The following EIF2AK2 variants were observed in gnomAD, a reference collection of about 807,000 sequenced individuals.
EIF2AK2 encodes interferon-induced, double-stranded RNA-activated protein kinase.
A neutral mutation model predicts 70.5 loss-of-function variants in EIF2AK2; 40 were observed. The observed-to-expected ratio is 0.57, with a 90% CI of 0.44 to 0.74. EIF2AK2 has a LOEUF of 0.74. EIF2AK2 is among the 30% of genes least tolerant of loss of function. EIF2AK2 has a pLI of 0.00. For missense variants in EIF2AK2, 555 were observed against 644.3 expected (o/e 0.86, Z 1.50); for synonymous variants, 198 against 220.9 (o/e 0.90, Z 0.92).
chr2:37,135,547 C>A lies in EIF2AK2; in HGVS notation c.723-1G>T. ...AAGGTCAAATCTGGGTGCCAAAGAT[C>A]TAAAAATTAAGAGTTGAATGTAAAA... is the stretch of plus-strand genomic sequence containing the variant. On this transcript the variant is annotated splice_acceptor_variant, in intron 9 of 16. Transcript: ENST00000233057. LOFTEE classifies it high-confidence loss of function. The A allele has an allele frequency of 1.9e-6, 3 of 1,609,932 alleles. No homozygotes were observed. In the South Asian group the frequency reaches 3.3e-5, roughly 18 times the overall value.
chr2:37,130,173 C>T (rs913881251), intron 10 of EIF2AK2, among the ~76,000 whole-genome samples: 4 of 152,154 alleles, frequency 2.6e-5, no homozygotes, highest in Non-Finnish European at 5.9e-5. Context: ...GCAATCTTGG[C>T]TCACTGCAAC....
At chr2:37,110,140 G>A (rs1053910238) in intron 14 of EIF2AK2, among the ~76,000 whole-genome samples, 2 of 151,540 alleles carry the variant, frequency 1.3e-5, no homozygotes, top group East Asian at 1.9e-4. Context: ...GCGTGGTCTC[G>A]GCTCACAGCA....
At chr2:37,141,071 G>A (rs1479264847) in intron 5 of EIF2AK2, among the ~76,000 whole-genome samples, 2 of 152,156 alleles carry the variant, frequency 1.3e-5, no homozygotes, top group African/African-American at 2.4e-5. Flanking sequence ...TCTCCTCATA[G>A]TCTAGGGCTA....
At chr2:37,141,514 A>G in intron 5 of EIF2AK2, 39 bp downstream of exon 5, 1 of 1,599,072 alleles carries the variant, frequency 6.3e-7, no homozygotes, top group Non-Finnish European at 8.5e-7. Context: ...TATTGCTTAA[A>G]TACAATGAAA....
Position 37,099,807 on chromosome 2 carries a change from T to C in EIF2AK2, c.*7466A>G, listed in dbSNP as rs1379419279. On this transcript the variant is annotated 3_prime_UTR_variant, in exon 17 of 17. Transcript: ENST00000233057. ...CATAAAATGCGACATATCCATATGA[T>C]AGAATATTATTTGGCAATAAAAAGG... is the stretch of plus-strand genomic sequence containing the variant. 1.3e-5 allele frequency: 2 copies of C among 152,146 alleles called. No homozygotes were observed. Among genetic ancestry groups the C allele is most frequent in the South Asian group, 2.1e-4 (1 of 4,830 alleles). 9.4% of individuals were successfully genotyped at this position (152,146 alleles called of 1,614,324 possible).
chr2:37,144,180 A>G (rs1558427787), intron 4 of EIF2AK2, among the ~76,000 whole-genome samples: 1 of 152,168 alleles, frequency 6.6e-6, no homozygotes, highest in Non-Finnish European at 1.5e-5. Flanking sequence ...TTACAGCACA[A>G]TGCATTACTC....
chr2:37,141,689 A>C lies in EIF2AK2; in HGVS notation c.253T>G (p.Leu85Val). ...GAAGAATTCGTTGTTGTCAATAATA[A>C]AGGACTAACTGCCTACAAAGAAAAA... ...LNKEKKAVSP[L>V]LLTTTNSSEG... Residue 85 changes from leucine to valine, a missense_variant, in exon 5 of 17, where the codon TTA (leucine) becomes GTA (valine). Leu to Val is a conservative substitution (Grantham distance 32). This residue lies in a region of EIF2AK2 where 208 missense variants were observed against 191.8 expected (regional missense o/e 1.08). Coordinates refer to ENST00000233057, the MANE Select transcript of EIF2AK2 (RefSeq NM_001135651.3). The C allele has an allele frequency of 1.2e-6, 2 of 1,612,598 alleles. No homozygotes were observed. The highest frequency in any genetic ancestry group is 1.7e-6 in the Non-Finnish European group (2 of 1,179,558).
At chr2:37,113,180 C>T (rs1023571154) in intron 14 of EIF2AK2, among the ~76,000 whole-genome samples, 9 of 152,034 alleles carry the variant, frequency 5.9e-5, no homozygotes, top group Admixed American at 1.3e-4. Flanking sequence ...ACCTAGCAGC[C>T]GTATTGATAA....
intron 2 of EIF2AK2, 26 bp downstream of exon 2, chr2:37,148,831 T>C: frequency 1.2e-6 from 1 of 838,126 alleles, no homozygotes; most frequent in Non-Finnish European, 2.1e-6. Flanking sequence ...CTTTTCTGAG[T>C]GCAAAATTCG....
chr2:37,137,830 G>A (rs1235986943), intron 8 of EIF2AK2, among the ~76,000 whole-genome samples: 6 of 151,954 alleles, frequency 3.9e-5, no homozygotes, highest in East Asian at 1.9e-4. Flanking sequence ...AAAAGCTGCC[G>A]AGCCGGGCGC....
In EIF2AK2 at chr2:37,114,877, T is replaced by G. The variant is rs1405714047; in HGVS notation, c.1249-18A>C. On this transcript the variant is annotated intron_variant, in intron 13 of 16. Transcript: ENST00000233057. ...TTACTTGGCTATGAAAAAAAAAAAT[T>G]TAACTTACATGTACCAACTTAACAT... is the stretch of plus-strand genomic sequence containing the variant. The G allele has an allele frequency of 2.7e-6, 4 of 1,493,560 alleles. No individual in the cohort carries two copies. Among genetic ancestry groups the G allele is most frequent in the South Asian group, 1.3e-5 (1 of 77,600 alleles). The allele number at this position is 1,493,560 out of a possible 1,614,324, so 92.5% of individuals were successfully genotyped here.
chr2:37,111,707 A>C (rs1186074102), intron 14 of EIF2AK2, among the ~76,000 whole-genome samples: 1 of 124,952 alleles, frequency 8.0e-6, no homozygotes, highest in African/African-American at 2.9e-5. Context: ...TACAAAAAAA[A>C]ATTAGCCAGG....
chr2:37,149,862 C>T (rs1298601367), intron 1 of EIF2AK2, among the ~76,000 whole-genome samples: 5 of 152,096 alleles, frequency 3.3e-5, no homozygotes, highest in African/African-American at 9.7e-5. Context: ...CAGCAGAGCA[C>T]GTAGTTACAC....
intron 1 of EIF2AK2, among the ~76,000 whole-genome samples, chr2:37,153,979 C>A: frequency 6.6e-6 from 1 of 152,344 alleles, no homozygotes. Flanking sequence ...CTCACCATCA[C>A]TTGTTATTAT....
At chr2:37,138,430 T>A (rs1312423480) in intron 7 of EIF2AK2, 67 bp from the exon 8 acceptor site, 1 of 1,600,402 alleles carries the variant, frequency 6.2e-7, no homozygotes, top group East Asian at 2.2e-5. Context: ...TTTCCCTAAA[T>A]TCTCCTTAAA....
chr2:37,111,345 T>A (rs1053252205), intron 14 of EIF2AK2, among the ~76,000 whole-genome samples: 22 of 152,044 alleles, frequency 1.4e-4, no homozygotes, highest in Non-Finnish European at 2.5e-4. Context: ...AGAGATATAT[T>A]TTTAAAATTA....
At chr2:37,123,905 C>T (rs1006394116) in intron 11 of EIF2AK2, among the ~76,000 whole-genome samples, 2 of 151,580 alleles carry the variant, frequency 1.3e-5, no homozygotes, top group Admixed American at 6.6e-5. Context: ...AAGTATATGA[C>T]ACAAATTTGC....
chr2:37,118,773 C>A (rs1674433617), intron 13 of EIF2AK2, among the ~76,000 whole-genome samples: 1 of 152,166 alleles, frequency 6.6e-6, no homozygotes, highest in Non-Finnish European at 1.5e-5. Context: ...ACCACGGAAG[C>A]AATACCTTTT....
At chr2:37,154,906 T>C (rs1340401370) in intron 1 of EIF2AK2, among the ~76,000 whole-genome samples, 1 of 151,556 alleles carries the variant, frequency 6.6e-6, no homozygotes, top group African/African-American at 2.4e-5. Context: ...TCTGTCTCCT[T>C]TCCTGGTTCA....
Sources: gnomAD v4.1 joint callset for allele counts (sites outside exome capture counted in the v4.1 genomes callset) on GRCh38, gnomAD v4.1.1 for gene constraint, gnomAD v4.1.1 regional missense constraint, MANE v1.5 for transcripts, NCBI Gene and HGNC (gene_info 2026-07-23, HGNC 2026-07-21) for gene names.